Variants in PCDHGB5 observed in about 807,000 individuals in gnomAD.
PCDHGB5 encodes protocadherin gamma subfamily B, 5.
Under a neutral mutation model 62.9 loss-of-function variants are expected in PCDHGB5, and 48 were observed. That is an observed-to-expected ratio of 0.76 (90% CI 0.61 to 0.97). PCDHGB5 has a LOEUF of 0.97. Among genes scored for constraint, PCDHGB5 ranks in the 50% least tolerant of loss-of-function variants. The pLI, the probability that PCDHGB5 is intolerant of heterozygous loss-of-function variation, is 0.00. For synonymous variants in PCDHGB5, 474 were observed against 511.2 expected, an observed-to-expected ratio of 0.93 and a Z score of 0.98; for missense variants, 1,118 against 1,198.6, an observed-to-expected ratio of 0.93 and a Z score of 0.99.
chr5:141,493,979 C>T lies in PCDHGB5; in HGVS notation c.2398-828C>T, dbSNP rs1273325447. ...GAAGTGGCTGGCCAGAGCCCCACAC[C>T]TTCAGCTAGGTGGGAGATGGCTACA... is the stretch of plus-strand genomic sequence containing the variant. On this transcript the variant is annotated intron_variant, in intron 1 of 3. Coordinates refer to ENST00000617380, the MANE Select transcript of PCDHGB5 (RefSeq NM_018925.3). The surrounding 1 kb of genome is among the most constrained non-coding windows in gnomAD (Gnocchi z 4.3). Among the ~76,000 whole-genome samples, 1 of 152,182 alleles carries T rather than the reference C, an allele frequency of 6.6e-6. No individual in the cohort carries two copies. Among genetic ancestry groups the T allele is most frequent in the Non-Finnish European group, 1.5e-5 (1 of 68,032 alleles).
chr5:141,433,199 ATCT>A (rs1202688924), intron 1 of PCDHGB5: 4 of 1,579,570 alleles, frequency 2.5e-6, no homozygotes, highest in East Asian at 2.2e-5. Context: ...TTTATATCAA[ATCT>A]TCTTTCTTTT....
chr5:141,415,128 G>C (rs376477668), intron 1 of PCDHGB5: 33 of 1,613,528 alleles, frequency 2.0e-5, no homozygotes, highest in Admixed American at 5.0e-5. Context: ...TGGCCGTCCA[G>C]GACCACGGCC....
At position 141,399,475 on chromosome 5, in the gene PCDHGB5, C is replaced by T. The variant is rs1561669837; in HGVS notation, c.1348C>T (p.Gln450Ter). 6.2e-7 allele frequency: 1 copy of T among 1,614,022 alleles called. No individual in the cohort carries two copies. Residue 450 changes from glutamine (Q) to a stop codon, truncating the protein, a stop_gained, in exon 1 of 4, where the codon CAG becomes TAG. Transcript: ENST00000617380. LOFTEE classifies it high-confidence loss of function. ...CAACGATAACGCTCCGGTTTTCCAC[C>T]AGGCGTCCTACTTAGTCAGTGTACC... Reference protein sequence around the residue: ...DVNDNAPVFHQASYLVSVPEN... With the variant: ...DVNDNAPVFH
chr5:141,436,713 G>T (rs2097842329), intron 1 of PCDHGB5, among the ~76,000 whole-genome samples: 1 of 152,190 alleles, frequency 6.6e-6, no homozygotes, highest in Non-Finnish European at 1.5e-5. Context: ...TCGATGTTCT[G>T]TTGGGAAAAA....
intron 1 of PCDHGB5, among the ~76,000 whole-genome samples, chr5:141,484,685 T>G (rs2099599013): frequency 6.6e-6 from 1 of 151,934 alleles, no homozygotes; most frequent in Non-Finnish European, 1.5e-5. Flanking sequence ...TTGCTAGGGC[T>G]CAGGCTGTGG....
At chr5:141,438,591 CATATATATATATATATATATAT>C (rs946798767) in intron 1 of PCDHGB5, among the ~76,000 whole-genome samples, 1 of 75,562 alleles carries the variant, frequency 1.3e-5, no homozygotes, top group Middle Eastern at 7.4e-3. Context: ...TACATACATA[CATATATATATATATATATATAT>C]ATATATATAT....
intron 1 of PCDHGB5, chr5:141,441,249 T>TA (rs981387539): frequency 2.0e-5 from 3 of 152,206 alleles, no homozygotes. Context: ...ACAAGATCTT[T>TA]AAATCACAAG....
intron 1 of PCDHGB5, chr5:141,478,344 A>G: frequency 6.2e-7 from 1 of 1,613,882 alleles, no homozygotes; most frequent in Non-Finnish European, 8.5e-7. Context: ...CCCTCCTTGC[A>G]CGCGGACGCC....
At chr5:141,494,714 C>G in intron 1 of PCDHGB5, 93 bp from the exon 2 acceptor site, 2 of 1,603,958 alleles carry the variant, frequency 1.2e-6, no homozygotes, top group East Asian at 4.5e-5. Context: ...TGTGCCCACT[C>G]CCCTCCTTCT....
At chr5:141,475,543 G>A (rs1161883598) in intron 1 of PCDHGB5, among the ~76,000 whole-genome samples, 1 of 152,196 alleles carries the variant, frequency 6.6e-6, no homozygotes, top group African/African-American at 2.4e-5. Flanking sequence ...TACAAGTAGG[G>A]TCCGGCTAAT....
In PCDHGB5 at chr5:141,404,772, G is replaced by A. The variant is rs764262966; in HGVS notation, c.2397+4248G>A. On this transcript the variant is annotated intron_variant, in intron 1 of 3. Transcript: ENST00000617380. ...GGCCAGAATGCTTGGCTCTCCTACC[G>A]CCTATTCAAGGCCAGTGAGCCAGGG... The A allele has an allele frequency of 9.9e-6, 16 of 1,613,820 alleles. No individual in the cohort carries two copies. The highest frequency in any genetic ancestry group is 5.0e-5 in the Admixed American group (3 of 60,000).
chr5:141,442,725 G>A (rs1381140725), intron 1 of PCDHGB5, among the ~76,000 whole-genome samples: 1 of 152,198 alleles, frequency 6.6e-6, no homozygotes, highest in Admixed American at 6.5e-5. Flanking sequence ...AGCATTTGGG[G>A]CCTGTAGGTA....
chr5:141,402,100 A>G (rs1589449876), intron 1 of PCDHGB5, among the ~76,000 whole-genome samples: 1 of 152,220 alleles, frequency 6.6e-6, no homozygotes, highest in South Asian at 2.1e-4. Flanking sequence ...AGTTTAAGCA[A>G]TTACAAAAAT....
chr5:141,415,606 G>A lies in PCDHGB5; in HGVS notation c.2397+15082G>A. On this transcript the variant is annotated intron_variant, in intron 1 of 3. Transcript: ENST00000617380. ...GTTTCCTATAGAGGATACCCCATTG[G>A]TTCCAGTGAGTTTTATTTTCATTTT... The A allele has an allele frequency of 1.2e-6, 2 of 1,612,910 alleles. 1 individual carries two copies. Among genetic ancestry groups the A allele is most frequent in the East Asian group, 4.5e-5 (2 of 44,866 alleles).
chr5:141,432,974 C>T lies in PCDHGB5; in HGVS notation c.2397+32450C>T. ...CGGCTTGACAGGAGCGCCGGCGTCG[C>T]ACTTTGTGGGCGTGGACGGGGTGCA... On this transcript the variant is annotated intron_variant, in intron 1 of 3. Coordinates refer to ENST00000617380, the MANE Select transcript of PCDHGB5 (RefSeq NM_018925.3). This position sits in a 1 kb window ranked among gnomAD's most constrained non-coding sequence, Gnocchi z 6.0. 6.2e-7 allele frequency: 1 copy of T among 1,614,204 alleles called. No individual in the cohort carries two copies. Among genetic ancestry groups the T allele is most frequent in the Non-Finnish European group, 8.5e-7 (1 of 1,180,030 alleles).
Position 141,423,286 on chromosome 5 carries a change from ACCT to A in PCDHGB5, c.2397+22764_2397+22766del, listed in dbSNP as rs554024395. 8.7e-3 allele frequency: 13,966 copies of A among 1,613,746 alleles called. 98 individuals are homozygous for A. The highest frequency in any genetic ancestry group is 0.011 in the Middle Eastern group (68 of 6,062). ...CCTCGAGTCTCTGGCTAACTCTGAAACCTCAGACCTCTCGCTGTACTTGGTGGT... is the reference window on the plus strand; with the variant it reads ...CCTCGAGTCTCTGGCTAACTCTGAAACAGACCTCTCGCTGTACTTGGTGGT... On this transcript the variant is annotated intron_variant, in intron 1 of 3. Transcript: ENST00000617380.
intron 1 of PCDHGB5, among the ~76,000 whole-genome samples, chr5:141,458,664 G>A (rs544369246): frequency 6.6e-6 from 1 of 152,196 alleles, no homozygotes; most frequent in African/African-American, 2.4e-5. Context: ...CCACCTCTCG[G>A]GTTCAAGCAA....
At chr5:141,467,348 C>T (rs1182432500) in intron 1 of PCDHGB5, among the ~76,000 whole-genome samples, 5 of 152,142 alleles carry the variant, frequency 3.3e-5, no homozygotes, top group African/African-American at 9.7e-5. Context: ...CCACTGCCCC[C>T]GGCCAAATCA....
At chr5:141,478,845 A>G in intron 1 of PCDHGB5, 2 of 1,389,784 alleles carry the variant, frequency 1.4e-6, no homozygotes, top group Non-Finnish European at 9.5e-7. Flanking sequence ...TGGTTAAGCT[A>G]AAACACAAGA....
Sources: gnomAD v4.1 joint callset for allele counts (sites outside exome capture counted in the v4.1 genomes callset) on GRCh38, gnomAD v4.1.1 for gene constraint, Gnocchi (gnomAD v3.1) non-coding constraint, MANE v1.5 for transcripts, NCBI Gene and HGNC (gene_info 2026-07-23, HGNC 2026-07-21) for gene names.